The following RBBP6 variants were observed in gnomAD, a reference collection of about 807,000 sequenced individuals.
The protein encoded by RBBP6 is RB binding protein 6, ubiquitin ligase.
Under a neutral mutation model 167.7 loss-of-function variants are expected in RBBP6, and 25 were observed. The ratio of observed to expected loss-of-function variants is 0.15; its 90% CI spans 0.11 to 0.21. The LOEUF is 0.21. Among genes scored for constraint, RBBP6 ranks in the 10% least tolerant of loss-of-function variants. The pLI, the probability that RBBP6 is intolerant of heterozygous loss-of-function variation, is 1.00. For missense variants in RBBP6, 1,868 were observed against 2,134.2 expected (o/e 0.88, Z 2.46); for synonymous variants, 789 against 735.8 (o/e 1.07, Z -1.17).
At position 24,571,940 on chromosome 16, in the gene RBBP6, C is replaced by T; in HGVS notation, c.4874C>T (p.Ser1625Phe). The T allele has an allele frequency of 1.2e-6, 2 of 1,613,886 alleles. 1 individual carries two copies. Among genetic ancestry groups the T allele is most frequent in the South Asian group, 2.2e-5 (2 of 91,026 alleles). Reference sequence around the variant, plus strand: ...CAGTTAAGTCATTCCTCTAGACTTTCCTCTGACTTAACTAGAGAAACTGAT... The same window carrying T: ...CAGTTAAGTCATTCCTCTAGACTTTTCTCTGACTTAACTAGAGAAACTGAT... ...KPQLSHSSRLSSDLTRETDEA... is the reference protein window; with the variant it reads ...KPQLSHSSRLFSDLTRETDEA... The change falls in exon 18 of 18, where the codon TCC becomes TTC. Residue 1625 changes from serine to phenylalanine, a missense_variant. Ser to Phe is a radical substitution (Grantham distance 155). Transcript: ENST00000319715.
intron 8 of RBBP6, among the ~76,000 whole-genome samples, chr16:24,560,295 A>G (rs1032637248): frequency 2.6e-5 from 4 of 151,822 alleles, no homozygotes; most frequent in African/African-American, 9.7e-5. Context: ...TTTAGTAGAG[A>G]CGGGGTTTCA....
intron 2 of RBBP6, among the ~76,000 whole-genome samples, chr16:24,547,425 TTA>T (rs973361467): frequency 1.3e-5 from 2 of 152,062 alleles, no homozygotes; most frequent in South Asian, 2.1e-4. Context: ...ATTCTAAGAA[TTA>T]TATATATATG....
In RBBP6 at chr16:24,561,723, T is replaced by A. The variant is rs370358977; in HGVS notation, c.951+8T>A. Reference sequence around the variant, plus strand: ...AATAAATTTTTACGACAGGTAACTGTCTGTATCCATTTTATGAAAAAATTC... The same window carrying A: ...AATAAATTTTTACGACAGGTAACTGACTGTATCCATTTTATGAAAAAATTC... On this transcript the variant is annotated splice_region_variant and intron_variant, in intron 9 of 17. Transcript: ENST00000319715. The A allele has an allele frequency of 5.4e-5, 87 of 1,611,880 alleles. No homozygotes were observed. Among genetic ancestry groups the A allele is most frequent in the Non-Finnish European group, 5.0e-5 (59 of 1,178,128 alleles).
At chr16:24,567,122 T>C (rs150376717) in intron 14 of RBBP6, 21 bp from the exon 15 acceptor site, 1 of 1,598,228 alleles carries the variant, frequency 6.3e-7, no homozygotes, top group African/African-American at 1.3e-5. Flanking sequence ...AGAAGTAATA[T>C]CTTGGAATTT....
chr16:24,552,092 A>C (rs1158443199), intron 3 of RBBP6, among the ~76,000 whole-genome samples: 1 of 151,644 alleles, frequency 6.6e-6, no homozygotes, highest in Non-Finnish European at 1.5e-5. Context: ...GTGCATCATG[A>C]ACTCTTTTAT....
chr16:24,543,842 T>A (rs1357847408), intron 1 of RBBP6, among the ~76,000 whole-genome samples: 3 of 152,202 alleles, frequency 2.0e-5, no homozygotes, highest in Non-Finnish European at 4.4e-5. Flanking sequence ...CCTTGTCACC[T>A]TTCTTACTCT....
intron 7 of RBBP6, among the ~76,000 whole-genome samples, chr16:24,559,194 T>C (rs1446131443): frequency 6.6e-6 from 1 of 152,226 alleles, no homozygotes; most frequent in Non-Finnish European, 1.5e-5. Flanking sequence ...GTCACTTAAA[T>C]AGAACTTTAT....
At chr16:24,559,284 G>A (rs980605503) in intron 7 of RBBP6, among the ~76,000 whole-genome samples, 1 of 151,792 alleles carries the variant, frequency 6.6e-6, no homozygotes, top group African/African-American at 2.4e-5. Flanking sequence ...TGTTTTTGTA[G>A]CATTTCTTTG....
At chr16:24,557,194 GT>G (rs1322105146) in intron 7 of RBBP6, among the ~76,000 whole-genome samples, 1 of 151,870 alleles carries the variant, frequency 6.6e-6, no homozygotes, top group African/African-American at 2.4e-5. Flanking sequence ...TAGAGACGGA[GT>G]TTCACCGTGT....
At chr16:24,549,309 T>C in intron 3 of RBBP6, 1 of 1,145,448 alleles carries the variant, frequency 8.7e-7, no homozygotes, top group Non-Finnish European at 1.1e-6. Flanking sequence ...GATGACATGT[T>C]CTACATTTGT....
intron 10 of RBBP6, among the ~76,000 whole-genome samples, chr16:24,562,408 T>C (rs544648096): frequency 1.3e-4 from 20 of 152,288 alleles, no homozygotes; most frequent in Admixed American, 1.2e-3. Context: ...TATTAAACGT[T>C]GAATGTTCCA....
rs1432218524 is a variant in RBBP6, at chr16:24,556,200, T to TA, written c.535-105dup. On this transcript the variant is annotated intron_variant, in intron 6 of 17. Transcript: ENST00000319715. The stretch of plus-strand genomic sequence containing the variant: ...CAAGGATTAAATGAGATCACATATG[T>TA]AAAGCACTACAAGTAATATAGTAAG... 7 of 892,224 alleles carry TA rather than the reference T, an allele frequency of 7.8e-6. No individual in the cohort carries two copies. In the East Asian group the frequency reaches 1.0e-4, roughly 13 times the overall value. 55.3% of individuals were successfully genotyped at this position (892,224 alleles called of 1,614,324 possible). A position where few individuals can be genotyped will look rare whatever the true frequency, so the allele number is the denominator to read the frequency against.
At chr16:24,570,765 T>C (rs1008337503) in intron 17 of RBBP6, 111 bp from the exon 18 acceptor site, 1 of 1,025,240 alleles carries the variant, frequency 9.8e-7, no homozygotes, top group Non-Finnish European at 1.3e-6. Flanking sequence ...TTTTGTTTTT[T>C]TTAATGTTAA....
rs755590295 is a variant in RBBP6 at position 24,564,828 on chromosome 16, C to A, written c.1552C>A (p.Pro518Thr). ...CAAACTTGGCTATCTGGTTTCTCCA[C>A]CACAACAAATTAGAAGAGGGGAGAG... is the stretch of plus-strand genomic sequence containing the variant. ...SNKLGYLVSPPQQIRRGERSC... is the reference protein window; with the variant it reads ...SNKLGYLVSPTQQIRRGERSC... Residue 518 changes from proline to threonine, a missense_variant, in exon 14 of 18, where the codon CCA (proline) becomes ACA (threonine). By Grantham distance (38) the Pro-to-Thr change is conservative. This residue lies in a region of RBBP6 where 245 missense variants were observed against 240.1 expected (regional missense o/e 1.02). Coordinates refer to ENST00000319715, the MANE Select transcript of RBBP6 (RefSeq NM_006910.5). 6.8e-6 allele frequency: 11 copies of A among 1,612,500 alleles called. No homozygotes were observed. In the African/African-American group the frequency reaches 1.5e-4, roughly 22 times the overall value.
At position 24,567,439 on chromosome 16, in the gene RBBP6, C is replaced by A; in HGVS notation, c.1886C>A (p.Pro629Gln). The A allele has an allele frequency of 6.2e-7, 1 of 1,614,102 alleles. No homozygotes were observed. Among genetic ancestry groups the A allele is most frequent in the Non-Finnish European group, 8.5e-7 (1 of 1,179,946 alleles). ...GVQTAHSNTI[P>Q]TTQAPPLSRE... ...CAGACAGCTCATTCAAATACCATCC[C>A]AACAACACAAGCACCACCTTTGTCC... Residue 629 changes from proline (P) to glutamine (Q), a missense_variant, in exon 15 of 18, where the codon CCA becomes CAA. Around this residue, in one of 7 missense-constraint regions of RBBP6, gnomAD observed 145 missense variants for 224.3 expected, o/e 0.65. Coordinates refer to ENST00000319715, the MANE Select transcript of RBBP6 (RefSeq NM_006910.5).
Position 24,562,173 on chromosome 16 carries a change from T to C in RBBP6, c.1289+12T>C, listed in dbSNP as rs762564296. 309 of 1,577,294 alleles carry C rather than the reference T, an allele frequency of 2.0e-4. No individual in the cohort carries two copies. The highest frequency in any genetic ancestry group is 2.4e-4 in the Non-Finnish European group (282 of 1,151,168). On this transcript the variant is annotated intron_variant, in intron 10 of 17. Coordinates refer to ENST00000319715, the MANE Select transcript of RBBP6 (RefSeq NM_006910.5). Reference sequence around the variant, plus strand: ...GATGGACCTTTTCGGTAAGCCTGTGTGTTTTTCACTGTTAGAAACCAAATG... The same window carrying C: ...GATGGACCTTTTCGGTAAGCCTGTGCGTTTTTCACTGTTAGAAACCAAATG...
At chr16:24,548,466 C>G (rs1242588293) in intron 2 of RBBP6, among the ~76,000 whole-genome samples, 1 of 152,108 alleles carries the variant, frequency 6.6e-6, no homozygotes, top group Admixed American at 6.6e-5. Context: ...ATGAAAATAG[C>G]TATCAGCCTG....
chr16:24,555,294 A>T (rs1057012065), intron 4 of RBBP6: 3 of 182,306 alleles, frequency 1.6e-5, no homozygotes, highest in African/African-American at 7.1e-5. Flanking sequence ...AATTATTTTT[A>T]AAACATCAAG....
intron 7 of RBBP6, chr16:24,558,561 C>G (rs975271719): frequency 1.2e-6 from 1 of 867,954 alleles, no homozygotes; most frequent in Non-Finnish European, 1.4e-6. Context: ...AGCCGAGATT[C>G]TTTCATTTTC....
Sources: gnomAD v4.1 joint callset for allele counts (sites outside exome capture counted in the v4.1 genomes callset) on GRCh38, gnomAD v4.1.1 for gene constraint, gnomAD v4.1.1 regional missense constraint, MANE v1.5 for transcripts, NCBI Gene and HGNC (gene_info 2026-07-23, HGNC 2026-07-21) for gene names.